ATXN7: variants seen among roughly 807,000 people sequenced by gnomAD.
The protein encoded by ATXN7 is ataxin-7.
A neutral mutation model predicts 70.5 loss-of-function variants in ATXN7; 12 were observed. The observed-to-expected ratio is 0.17, with a 90% confidence interval of 0.11 to 0.28. The LOEUF (loss-of-function observed/expected upper bound fraction) is 0.28. ATXN7 is among the 10% of genes least tolerant of loss of function. The pLI is 1.00. For synonymous variants in ATXN7, 498 were observed against 448.7 expected (o/e 1.11, Z -1.39); for missense variants, 1,256 against 1,131.7 (o/e 1.11, Z -1.58).
intron 2 of ATXN7, among the ~76,000 whole-genome samples, chr3:63,910,344 T>G (rs1181266236): frequency 6.6e-6 from 1 of 152,246 alleles, no homozygotes; most frequent in East Asian, 1.9e-4. Context: ...CTTTGTTATC[T>G]ATATGGCTTG....
At chr3:63,936,644 A>G (rs952318306) in intron 4 of ATXN7, among the ~76,000 whole-genome samples, 2 of 152,194 alleles carry the variant, frequency 1.3e-5, no homozygotes, top group African/African-American at 4.8e-5. Context: ...GGTGGGGCAT[A>G]CAGGATCCCA....
At chr3:63,884,592 A>G (rs1703026301) in intron 1 of ATXN7, among the ~76,000 whole-genome samples, 1 of 152,116 alleles carries the variant, frequency 6.6e-6, no homozygotes, top group Admixed American at 6.5e-5. Flanking sequence ...CAAATGATTT[A>G]TGCAGATAAT....
chr3:63,955,450 T>G (rs1273737799), intron 5 of ATXN7, among the ~76,000 whole-genome samples: 1 of 152,068 alleles, frequency 6.6e-6, no homozygotes, highest in Non-Finnish European at 1.5e-5. Flanking sequence ...GGAGGCACCA[T>G]GTGGTGGCCC....
chr3:63,963,817 C>G (rs1228241613), intron 5 of ATXN7, among the ~76,000 whole-genome samples: 1 of 152,140 alleles, frequency 6.6e-6, no homozygotes, highest in Non-Finnish European at 1.5e-5. Flanking sequence ...AGTACCCACT[C>G]TGGTACATAC....
chr3:63,996,341 C>T lies in ATXN7; in HGVS notation c.2519C>T (p.Ser840Leu), dbSNP rs568124092. 7.4e-6 allele frequency: 12 copies of T among 1,614,190 alleles called. No homozygotes were observed. The highest frequency in any genetic ancestry group is 1.1e-5 in the South Asian group (1 of 91,084). The stretch of plus-strand genomic sequence containing the variant: ...CTCATAGGAAAGAAAAGAAAGTGCT[C>T]ACCCAGCTCGAGCAGCATCAACAAC... Reference protein sequence around the residue: ...DKLIGKKRKCSPSSSSINNSS... With the variant: ...DKLIGKKRKCLPSSSSINNSS... The change falls in exon 12 of 13, where the codon TCA becomes TTA. Residue 840 changes from serine to leucine, a missense_variant. By Grantham distance (145) the Ser-to-Leu change is moderately radical. Transcript: ENST00000674280.
chr3:63,958,199 A>G (rs1411561449), intron 5 of ATXN7, among the ~76,000 whole-genome samples: 1 of 152,186 alleles, frequency 6.6e-6, no homozygotes, highest in Non-Finnish European at 1.5e-5. Flanking sequence ...ATTAACAGCC[A>G]CACACATTGC....
chr3:63,878,624 G>T (rs1441270271), intron 1 of ATXN7: 1 of 152,196 alleles, frequency 6.6e-6, no homozygotes. Flanking sequence ...TTAAATGAAA[G>T]AATTATTTTC....
intron 4 of ATXN7, among the ~76,000 whole-genome samples, chr3:63,951,480 A>G (rs1448367091): frequency 2.0e-5 from 3 of 152,342 alleles, no homozygotes; most frequent in East Asian, 1.9e-4. Context: ...TGTGCTAATT[A>G]TCCATTCATT....
chr3:63,991,030 CA>C (rs2075663588), intron 11 of ATXN7, 171 bp downstream of exon 11: 1 of 894,736 alleles, frequency 1.1e-6, no homozygotes, highest in South Asian at 1.7e-5. Flanking sequence ...CTTTACCCCA[CA>C]ACTACATATT....
chr3:63,968,478 T>C (rs1003648059), intron 5 of ATXN7: 14 of 152,662 alleles, frequency 9.2e-5, no homozygotes, highest in African/African-American at 3.4e-4. Context: ...TGAGGTTTCA[T>C]GACAGGCAGT....
chr3:63,958,288 C>T (rs1354505972), intron 5 of ATXN7, among the ~76,000 whole-genome samples: 3 of 152,106 alleles, frequency 2.0e-5, no homozygotes, highest in African/African-American at 7.2e-5. Context: ...TTTTCTGAAA[C>T]GTCATTTTCA....
chr3:63,902,917 A>T (rs1052326206), intron 2 of ATXN7, among the ~76,000 whole-genome samples: 5 of 152,194 alleles, frequency 3.3e-5, no homozygotes, highest in African/African-American at 9.7e-5. Context: ...TGTTGATAAA[A>T]AATCTAAACA....
chr3:63,997,966 C>T, intron 12 of ATXN7: 1 of 985,326 alleles, frequency 1.0e-6, no homozygotes, highest in South Asian at 4.7e-5. Flanking sequence ...GTGTGCTTTT[C>T]CTTCTTGGTT....
intron 4 of ATXN7, among the ~76,000 whole-genome samples, chr3:63,952,032 A>G (rs1245264198): frequency 6.6e-6 from 1 of 152,230 alleles, no homozygotes; most frequent in East Asian, 1.9e-4. Context: ...AAAGCATTAG[A>G]TGGTACAGCT....
At chr3:63,991,049 G>A in intron 11 of ATXN7, 190 bp downstream of exon 11, 1 of 773,066 alleles carries the variant, frequency 1.3e-6, no homozygotes, top group Non-Finnish European at 2.0e-6. Flanking sequence ...ATTGTTGTGG[G>A]TGCTGGCATT....
intron 4 of ATXN7, among the ~76,000 whole-genome samples, chr3:63,925,807 G>T (rs1303810715): frequency 6.6e-6 from 1 of 152,218 alleles, no homozygotes; most frequent in Non-Finnish European, 1.5e-5. Context: ...AATGGGGAGA[G>T]TTGGAGAGTT....
intron 5 of ATXN7, among the ~76,000 whole-genome samples, chr3:63,971,834 CAAA>C (rs1458231860): frequency 6.6e-6 from 1 of 152,032 alleles, no homozygotes; most frequent in Non-Finnish European, 1.5e-5. Context: ...GAAAAGGATC[CAAA>C]ATATGGTTTA....
chr3:63,951,543 A>G (rs2074953344), intron 4 of ATXN7, among the ~76,000 whole-genome samples: 1 of 152,220 alleles, frequency 6.6e-6, no homozygotes, highest in African/African-American at 2.4e-5. Context: ...AAATCCACTG[A>G]TTTTGAAATA....
chr3:63,949,716 A>G (rs779769030), intron 4 of ATXN7, among the ~76,000 whole-genome samples: 3 of 152,138 alleles, frequency 2.0e-5, no homozygotes, highest in Non-Finnish European at 4.4e-5. Context: ...TCAGTTTCAT[A>G]GGGTAGAATG....
Sources: allele counts gnomAD v4.1 joint callset (sites outside exome capture counted in the v4.1 genomes callset), GRCh38; gene constraint gnomAD v4.1.1; transcripts MANE v1.5; gene names NCBI Gene and HGNC (gene_info 2026-07-23, HGNC 2026-07-21).